The following SHISAL2A variants were observed in gnomAD, a reference collection of about 807,000 sequenced individuals.
SHISAL2A encodes shisa like 2A, also known as protein shisa-like-2A.
A neutral mutation model predicts 11.5 loss-of-function variants in SHISAL2A; 18 were observed. The observed-to-expected ratio is 1.57, with a 90% CI of 1.08 to 2.33. The LOEUF is 2.33. SHISAL2A is among the 30% of genes most tolerant of loss of function. SHISAL2A has a pLI of 0.00. For missense variants in SHISAL2A, 261 were observed against 250.9 expected, an observed-to-expected ratio of 1.04 and a Z score of -0.27; for synonymous variants, 94 against 99.6, an observed-to-expected ratio of 0.94 and a Z score of 0.34.
At chr1:52,656,417 G>A (rs566153779) in intron 2 of SHISAL2A, among the ~76,000 whole-genome samples, 6 of 146,908 alleles carry the variant, frequency 4.1e-5, no homozygotes, top group East Asian at 5.1e-4. Context: ...TTCTCAAAGC[G>A]AGAACAATCT....
At chr1:52,635,457 A>G (rs558038231) in intron 1 of SHISAL2A, among the ~76,000 whole-genome samples, 1 of 151,876 alleles carries the variant, frequency 6.6e-6, no homozygotes, top group East Asian at 1.9e-4. Context: ...GGTTAGGGAT[A>G]AAATCGTAGG....
chr1:52,635,509 G>A (rs1691219128), intron 1 of SHISAL2A, among the ~76,000 whole-genome samples: 1 of 152,106 alleles, frequency 6.6e-6, no homozygotes, highest in African/African-American at 2.4e-5. Flanking sequence ...TTGCTGGGTA[G>A]GGGAGCTCAC....
chr1:52,642,762 T>C lies in SHISAL2A; in HGVS notation c.183-101T>C, dbSNP rs1571683542. 2.1e-5 allele frequency: 25 copies of C among 1,217,612 alleles called. No homozygotes were observed. In the East Asian group the frequency reaches 5.9e-4, roughly 29 times the overall value. The allele number at this position is 1,217,612 out of a possible 1,614,324, so 75.4% of individuals were successfully genotyped here. On this transcript the variant is annotated intron_variant, in intron 1 of 2. Transcript: ENST00000517870. ...AAATATTTTTATTCTGTACATTTTC[T>C]TCCCAGCAGGCTCATTCTAGCCTAG...
intron 4 of SHISAL2A, among the ~76,000 whole-genome samples, chr1:52,664,315 C>T (rs974269826): frequency 6.6e-6 from 1 of 151,146 alleles, no homozygotes; most frequent in Non-Finnish European, 1.5e-5. Flanking sequence ...CTCAGCCTCT[C>T]GAATAGCTGG....
intron 4 of SHISAL2A, among the ~76,000 whole-genome samples, chr1:52,665,214 C>T (rs1691989213): frequency 6.6e-6 from 1 of 152,196 alleles, no homozygotes. Context: ...CAAGGGGCTC[C>T]AATTGTCAGA....
chr1:52,644,691 T>C (rs887470284), intron 2 of SHISAL2A, among the ~76,000 whole-genome samples: 1 of 145,618 alleles, frequency 6.9e-6, no homozygotes, highest in Non-Finnish European at 1.5e-5. Context: ...GCCATTGCAC[T>C]CCAGCCTGGG....
rs1340644724 is a variant in SHISAL2A, at chr1:52,642,917, T to A, written c.237T>A (p.Ile79=). The change falls in exon 2 of 3, where the codon ATT becomes ATA. Residue 79 remains isoleucine, a synonymous_variant. Coordinates refer to ENST00000517870, the MANE Select transcript of SHISAL2A (RefSeq NM_001042693.3). The stretch of plus-strand genomic sequence containing the variant: ...CAGCAGTGGTTCTTCTCGCCTTCAT[T>A]GTTACCGCCTGTGTGCTCTGCTACC... The part of the protein sequence containing the change: ...SVAAVVLLAF[I]VTACVLCYLF... 3 of 1,613,988 alleles carry A rather than the reference T, an allele frequency of 1.9e-6. No individual in the cohort carries two copies. Among genetic ancestry groups the A allele is most frequent in the African/African-American group, 2.7e-5 (2 of 74,920 alleles).
chr1:52,666,120 T>G (rs911249094), intron 4 of SHISAL2A, among the ~76,000 whole-genome samples: 1 of 152,164 alleles, frequency 6.6e-6, no homozygotes. Flanking sequence ...TAATAATACA[T>G]TGTTCTACAA....
chr1:52,659,123 A>G (rs558634480), downstream of SHISAL2A, among the ~76,000 whole-genome samples: 2 of 151,614 alleles, frequency 1.3e-5, no homozygotes, highest in Admixed American at 1.3e-4. Context: ...GCTGGAGTGC[A>G]GTGGAGATCA....
intron 1 of SHISAL2A, among the ~76,000 whole-genome samples, chr1:52,638,651 A>G (rs2149874270): frequency 6.6e-6 from 1 of 152,292 alleles, no homozygotes; most frequent in East Asian, 1.9e-4. Context: ...GAAGCCAACA[A>G]TGGGTGTATT....
chr1:52,652,004 A>G (rs1691659654), intron 2 of SHISAL2A, among the ~76,000 whole-genome samples: 1 of 152,226 alleles, frequency 6.6e-6, no homozygotes, highest in Admixed American at 6.5e-5. Context: ...AAGGTCTTGT[A>G]ACTCCTGGAA....
chr1:52,647,549 A>G (rs1175449142), intron 2 of SHISAL2A, among the ~76,000 whole-genome samples: 4 of 152,212 alleles, frequency 2.6e-5, no homozygotes, highest in East Asian at 1.9e-4. Flanking sequence ...ATGCAATTCA[A>G]AAATGATACA....
chr1:52,633,609 A>G lies in SHISAL2A; in HGVS notation c.116A>G (p.His39Arg), dbSNP rs1313529916. The change falls in exon 1 of 3, where the codon CAC (histidine) becomes CGC (arginine). Residue 39 changes from histidine (H) to arginine (R), a missense_variant. Coordinates refer to ENST00000517870, the MANE Select transcript of SHISAL2A (RefSeq NM_001042693.3). The surrounding 1 kb of genome is among the most constrained non-coding windows in gnomAD (Gnocchi z 6.4). ...GTCTTCTGCTGCGGCTTCCGCGACC[A>G]CAAGTACTGCTGCGACGACCCGCAC... ...AAVFCCGFRD[H>R]KYCCDDPHSF... 1.9e-6 allele frequency: 3 copies of G among 1,612,748 alleles called. No individual in the cohort carries two copies. Among genetic ancestry groups the G allele is most frequent in the Non-Finnish European group, 1.7e-6 (2 of 1,179,506 alleles).
In SHISAL2A at chr1:52,633,534, A is replaced by AG. The variant is rs1209606571; in HGVS notation, c.43dup (p.Val15GlyfsTer79). The AG allele has an allele frequency of 6.9e-6, 11 of 1,603,630 alleles. No homozygotes were observed. The highest frequency in any genetic ancestry group is 8.5e-6 in the Non-Finnish European group (10 of 1,175,990). ...ACGAGCTACGTGAGCGCAGAGCAGG[A>AG]GGTGGTGCGCGGCTTCAGCTGCCCG... On this transcript the variant is annotated frameshift_variant, in exon 1 of 3. Coordinates refer to ENST00000517870, the MANE Select transcript of SHISAL2A (RefSeq NM_001042693.3). LOFTEE classifies it high-confidence loss of function. This position sits in a 1 kb window ranked among gnomAD's most constrained non-coding sequence, Gnocchi z 6.4.
In SHISAL2A at chr1:52,642,942, C is replaced by CTGTT; in HGVS notation, c.263_266dup (p.Ile90ValfsTer5). ...TGTTACCGCCTGTGTGCTCTGCTAC[C>CTGTT]TGTTCATCAGCTCTAAGCCCCACAC... On this transcript the variant is annotated frameshift_variant, in exon 2 of 3. Coordinates refer to ENST00000517870, the MANE Select transcript of SHISAL2A (RefSeq NM_001042693.3). LOFTEE classifies it high-confidence loss of function. 1 of 1,614,132 alleles carries CTGTT rather than the reference C, an allele frequency of 6.2e-7. No homozygotes were observed. Among genetic ancestry groups the CTGTT allele is most frequent in the Non-Finnish European group, 8.5e-7 (1 of 1,179,994 alleles).
Position 52,633,675 on chromosome 1 carries a change from G to A in SHISAL2A, c.182G>A (p.Ser61Asn), listed in dbSNP as rs769343625. ...GAGCACAGCTACATGTGGTGGCTCA[G>A]GTACCGTCCCTGGCCCTCACCCTAC... ...PYEHSYMWWLSIGALIGLSVA... is the reference protein window; with the variant it reads ...PYEHSYMWWLNIGALIGLSVA... Residue 61 changes from serine to asparagine, a missense_variant and splice_region_variant, in exon 1 of 3, where the codon AGC becomes AAC. Coordinates refer to ENST00000517870, the MANE Select transcript of SHISAL2A (RefSeq NM_001042693.3). The surrounding 1 kb of genome is among the most constrained non-coding windows in gnomAD (Gnocchi z 6.4). The A allele has an allele frequency of 1.5e-5, 24 of 1,603,488 alleles. No homozygotes were observed. In the East Asian group the frequency reaches 3.7e-4, roughly 25 times the overall value.
At chr1:52,651,117 T>A (rs1571693380) in intron 2 of SHISAL2A, among the ~76,000 whole-genome samples, 1 of 152,204 alleles carries the variant, frequency 6.6e-6, no homozygotes, top group South Asian at 2.1e-4. Context: ...AGCCATCACA[T>A]CTCAGAAATA....
chr1:52,659,710 T>C (rs1691867957), downstream of SHISAL2A: 2 of 152,280 alleles, frequency 1.3e-5, no homozygotes, highest in Non-Finnish European at 2.9e-5. Flanking sequence ...ATATATGTGG[T>C]GGGGCTGGGT....
In SHISAL2A at chr1:52,633,593, T is replaced by A; in HGVS notation, c.100T>A (p.Cys34Ser). 3 of 1,612,432 alleles carry A rather than the reference T, an allele frequency of 1.9e-6. No individual in the cohort carries two copies. The highest frequency in any genetic ancestry group is 2.5e-6 in the Non-Finnish European group (3 of 1,179,374). The change falls in exon 1 of 3, where the codon TGC becomes AGC. Residue 34 changes from cysteine to serine, a missense_variant. By Grantham distance (112) the Cys-to-Ser change is moderately radical (BLOSUM62 -1). Coordinates refer to ENST00000517870, the MANE Select transcript of SHISAL2A (RefSeq NM_001042693.3). This position sits in a 1 kb window ranked among gnomAD's most constrained non-coding sequence, Gnocchi z 6.4. ...GGGCGAGGCGGCCGCTGTCTTCTGC[T>A]GCGGCTTCCGCGACCACAAGTACTG... is the stretch of plus-strand genomic sequence containing the variant. ...PGGEAAAVFCCGFRDHKYCCD... is the reference protein window; with the variant it reads ...PGGEAAAVFCSGFRDHKYCCD...
Sources: allele counts gnomAD v4.1 joint callset (sites outside exome capture counted in the v4.1 genomes callset), GRCh38; gene constraint gnomAD v4.1.1; non-coding constraint Gnocchi (gnomAD v3.1); transcripts MANE v1.5; gene names NCBI Gene and HGNC (gene_info 2026-07-23, HGNC 2026-07-21).